Variants in PDE11A observed in about 807,000 individuals in gnomAD.
The protein encoded by PDE11A is dual 3',5'-cyclic-AMP and -GMP phosphodiesterase 11A.
In PDE11A, 100 loss-of-function variants were observed where a neutral mutation model predicts 100.5. That is an observed-to-expected ratio of 1.00 (90% CI 0.85 to 1.18). PDE11A has a LOEUF of 1.18. Among genes scored for constraint, PDE11A ranks in the 50% most tolerant of loss-of-function variants. The pLI is 0.00. For synonymous variants in PDE11A, 381 were observed against 420.8 expected, an observed-to-expected ratio of 0.91 and a Z score of 1.16; for missense variants, 1,141 against 1,152.6, an observed-to-expected ratio of 0.99 and a Z score of 0.15.
At chr2:177,909,536 C>T (rs542817181) in intron 2 of PDE11A, among the ~76,000 whole-genome samples, 3 of 152,164 alleles carry the variant, frequency 2.0e-5, no homozygotes, top group Non-Finnish European at 4.4e-5. Flanking sequence ...AGCTCAAATT[C>T]CTTCAATATT....
chr2:177,813,687 A>T (rs1405791677), intron 9 of PDE11A, among the ~76,000 whole-genome samples: 2 of 152,132 alleles, frequency 1.3e-5, no homozygotes, highest in Non-Finnish European at 2.9e-5. Context: ...GAGTCTCATG[A>T]ACACACAGCA....
intron 10 of PDE11A, among the ~76,000 whole-genome samples, chr2:177,766,829 A>G (rs1400752146): frequency 6.6e-6 from 1 of 152,240 alleles, no homozygotes; most frequent in Admixed American, 6.5e-5. Context: ...GTAATAGGAT[A>G]CTAGCTAATA....
At chr2:178,046,961 C>T (rs2086759256) in intron 1 of PDE11A, among the ~76,000 whole-genome samples, 1 of 151,816 alleles carries the variant, frequency 6.6e-6, no homozygotes, top group Admixed American at 6.6e-5. Context: ...TCCACTATTC[C>T]TATGTCTAGG....
chr2:177,987,752 T>C (rs1466233473), intron 2 of PDE11A, among the ~76,000 whole-genome samples: 1 of 152,214 alleles, frequency 6.6e-6, no homozygotes, highest in East Asian at 1.9e-4. Context: ...CATTTCTCAG[T>C]TGTGTTTTAA....
intron 5 of PDE11A, among the ~76,000 whole-genome samples, chr2:177,858,323 G>A (rs2083879940): frequency 6.6e-6 from 1 of 151,778 alleles, no homozygotes. Context: ...CTACAGAATG[G>A]GAGAAAATTT....
In PDE11A at chr2:178,014,446, A is replaced by G. The variant is rs1435341813; in HGVS notation, c.927T>C (p.Asn309=). 7.4e-6 allele frequency: 12 copies of G among 1,613,212 alleles called. No individual in the cohort carries two copies. Among genetic ancestry groups the G allele is most frequent in the Non-Finnish European group, 1.0e-5 (12 of 1,179,262 alleles). Residue 309 remains asparagine (N), a synonymous_variant, in exon 2 of 20, where the codon AAT becomes AAC. Transcript: ENST00000286063. ...ATCCAGTTAGCTTGTCGATTTCATC[A>G]TTGAATCGTCGATCCTAAAAATAAG... ...IPDAYQDRRF[N]DEIDKLTGYK...
chr2:177,968,079 G>C (rs1330083667), intron 2 of PDE11A, among the ~76,000 whole-genome samples: 1 of 152,100 alleles, frequency 6.6e-6, no homozygotes, highest in African/African-American at 2.4e-5. Flanking sequence ...CACCCTCTCA[G>C]CTGGGAGAGT....
At chr2:178,056,159 G>A (rs1466627618) in intron 1 of PDE11A, among the ~76,000 whole-genome samples, 3 of 152,136 alleles carry the variant, frequency 2.0e-5, no homozygotes, top group African/African-American at 4.8e-5. Flanking sequence ...GTTTTGGAGC[G>A]TTAACATATT....
intron 6 of PDE11A, among the ~76,000 whole-genome samples, chr2:177,827,357 G>A (rs546233569): frequency 2.2e-4 from 34 of 152,276 alleles, no homozygotes; most frequent in African/African-American, 3.1e-4. Flanking sequence ...GATTTCCCAC[G>A]TCTCCTGAAT....
At chr2:177,931,236 TTTTA>T (rs1417226170) in intron 2 of PDE11A, among the ~76,000 whole-genome samples, 5 of 152,346 alleles carry the variant, frequency 3.3e-5, no homozygotes, top group Admixed American at 1.3e-4. Flanking sequence ...CAACGTTCTA[TTTTA>T]TTTATTTTTA....
rs2082162261 is a variant in PDE11A, at chr2:177,761,150, C to T, written c.1788+8173G>A. Among the ~76,000 whole-genome samples the T allele has an allele frequency of 3.9e-5, 6 of 152,062 alleles. No homozygotes were observed. The South Asian group carries it at 1.2e-3, about 32-fold the overall frequency. ...GAGTTAAAGGGCAAGGGGCTTTTGC[C>T]TCCAGCGGGGAAGAGAGACACTATC... On this transcript the variant is annotated intron_variant, in intron 10 of 19. Transcript: ENST00000286063.
At chr2:178,068,657 A>G (rs913918751) in intron 1 of PDE11A, among the ~76,000 whole-genome samples, 8 of 152,212 alleles carry the variant, frequency 5.3e-5, no homozygotes, top group Non-Finnish European at 8.8e-5. Flanking sequence ...ATGCTTGCAT[A>G]TATGGTACAA....
chr2:178,027,245 T>C (rs12618596), intron 1 of PDE11A, among the ~76,000 whole-genome samples: 76,351 of 151,900 alleles, frequency 0.5, 19,974 homozygotes, highest in East Asian at 0.71. Flanking sequence ...GGAAATGGAT[T>C]ATATTATGAT....
chr2:177,698,239 G>A (rs1045824427), intron 14 of PDE11A, among the ~76,000 whole-genome samples: 5 of 152,138 alleles, frequency 3.3e-5, no homozygotes, highest in African/African-American at 4.8e-5. Context: ...CTAAAATGAC[G>A]TTTACCTAAG....
intron 9 of PDE11A, among the ~76,000 whole-genome samples, chr2:177,799,111 T>C (rs927426894): frequency 1.2e-4 from 18 of 152,168 alleles, no homozygotes; most frequent in African/African-American, 4.3e-4. Flanking sequence ...GAACAAATTC[T>C]AATAGAGGGA....
intron 2 of PDE11A, among the ~76,000 whole-genome samples, chr2:177,992,152 T>C (rs926794160): frequency 6.6e-6 from 1 of 151,242 alleles, no homozygotes; most frequent in Non-Finnish European, 1.5e-5. Flanking sequence ...CACCAAAAAA[T>C]CTACAGATCA....
chr2:177,727,841 A>T, intron 11 of PDE11A, 76 bp from the exon 12 acceptor site: 1 of 1,018,194 alleles, frequency 9.8e-7, no homozygotes. Flanking sequence ...GGTGCCTTAT[A>T]TCTGAGTAAC....
intron 10 of PDE11A, among the ~76,000 whole-genome samples, chr2:177,755,720 G>A (rs2082082023): frequency 6.6e-6 from 1 of 152,212 alleles, no homozygotes; most frequent in Non-Finnish European, 1.5e-5. Flanking sequence ...TGGAACTTGG[G>A]ACTCCATAGT....
intron 5 of PDE11A, among the ~76,000 whole-genome samples, chr2:177,846,668 C>T (rs1054837984): frequency 6.6e-6 from 1 of 152,120 alleles, no homozygotes; most frequent in Non-Finnish European, 1.5e-5. Flanking sequence ...ACACGGATGC[C>T]CTATAAAAGG....
Sources: gnomAD v4.1 joint callset for allele counts (sites outside exome capture counted in the v4.1 genomes callset) on GRCh38, gnomAD v4.1.1 for gene constraint, MANE v1.5 for transcripts, NCBI Gene and HGNC (gene_info 2026-07-23, HGNC 2026-07-21) for gene names.